Variants in PKIB observed in about 807,000 individuals in gnomAD.
The protein encoded by PKIB is PKI-beta.
PKIB carries 2 observed loss-of-function variants against 4.5 expected under a neutral mutation model. The observed-to-expected ratio is 0.44, with a 90% confidence interval of 0.18 to 1.39. The LOEUF (loss-of-function observed/expected upper bound fraction) is 1.39, where lower values mean the gene tolerates loss of function less well. Among genes scored for constraint, PKIB ranks in the 40% most tolerant of loss-of-function variants. The pLI, the probability that PKIB is intolerant of heterozygous loss-of-function variation, is 0.27. For synonymous variants in PKIB, 38 were observed against 36.0 expected (o/e 1.06, Z -0.20); for missense variants, 94 against 92.6 (o/e 1.02, Z -0.06).
intron 2 of PKIB, among the ~76,000 whole-genome samples, chr6:122,496,850 A>G (rs1776088536): frequency 6.6e-6 from 1 of 152,224 alleles, no homozygotes. Flanking sequence ...GAGATTTCTT[A>G]TATCCAGATG....
At chr6:122,622,276 T>C (rs1775268052) in intron 1 of PKIB, among the ~76,000 whole-genome samples, 1 of 147,792 alleles carries the variant, frequency 6.8e-6, no homozygotes, top group African/African-American at 2.5e-5. Context: ...ACTTTCAAAG[T>C]CATAATTTAA....
intron 2 of PKIB, among the ~76,000 whole-genome samples, chr6:122,665,835 A>G (rs1021506371): frequency 6.6e-5 from 10 of 152,294 alleles, no homozygotes; most frequent in African/African-American, 2.2e-4. Flanking sequence ...CACCTCAGTA[A>G]AGGAATGGCC....
chr6:122,524,486 A>C (rs1016240995), intron 2 of PKIB, among the ~76,000 whole-genome samples: 1 of 151,942 alleles, frequency 6.6e-6, no homozygotes, highest in Admixed American at 6.6e-5. Flanking sequence ...GGTATCAGGT[A>C]ATGCCTCATA....
At chr6:122,681,984 G>T (rs1777912854) in intron 3 of PKIB, among the ~76,000 whole-genome samples, 1 of 152,154 alleles carries the variant, frequency 6.6e-6, no homozygotes, top group South Asian at 2.1e-4. Context: ...TTGAACTGTG[G>T]GATGGAGTCT....
intron 1 of PKIB, among the ~76,000 whole-genome samples, chr6:122,621,062 A>G (rs1235150883): frequency 6.6e-6 from 1 of 152,146 alleles, no homozygotes; most frequent in Non-Finnish European, 1.5e-5. Flanking sequence ...CTACTACCAG[A>G]TGGATTAGAT....
At chr6:122,528,087 G>A (rs9385255) in intron 2 of PKIB, among the ~76,000 whole-genome samples, 21,150 of 152,040 alleles carry the variant, frequency 0.14, 1,586 homozygotes, top group East Asian at 0.26. Flanking sequence ...TGATTATTAT[G>A]TCTTTCTGGA....
At chr6:122,673,458 C>A (rs985494107) in intron 2 of PKIB, among the ~76,000 whole-genome samples, 6 of 152,190 alleles carry the variant, frequency 3.9e-5, no homozygotes, top group African/African-American at 1.4e-4. Flanking sequence ...ACTGTATCAT[C>A]ATTTCTTCAT....
Position 122,509,336 on chromosome 6 carries a change from T to G in PKIB, c.-248+31397T>G, listed in dbSNP as rs112440539. Among the ~76,000 whole-genome samples, 761 of 152,338 alleles carry G rather than the reference T, an allele frequency of 5.0e-3. 7 individuals carry two copies. The highest frequency in any genetic ancestry group is 0.017 in the African/African-American group (708 of 41,566). On this transcript the variant is annotated intron_variant, in intron 2 of 6. Coordinates refer to the PKIB transcript ENST00000392491. ...GTCACGTAACTGAATTAATAAATGC[T>G]TGTTTAACCTGATTTTTATGTATTG...
At chr6:122,575,264 T>A (rs1301437531) in intron 2 of PKIB, among the ~76,000 whole-genome samples, 1 of 152,092 alleles carries the variant, frequency 6.6e-6, no homozygotes, top group Non-Finnish European at 1.5e-5. Context: ...GATGTTGGCA[T>A]GGATGTGGTG....
intron 1 of PKIB, among the ~76,000 whole-genome samples, chr6:122,621,868 TAC>T (rs1429909742): frequency 6.6e-6 from 1 of 152,074 alleles, no homozygotes; most frequent in Non-Finnish European, 1.5e-5. Context: ...CTTCCTCCAT[TAC>T]AGAGAAGTAA....
intron 2 of PKIB, among the ~76,000 whole-genome samples, chr6:122,557,124 G>A (rs1406346732): frequency 6.6e-6 from 1 of 152,182 alleles, no homozygotes; most frequent in African/African-American, 2.4e-5. Context: ...GCTGAGGCAC[G>A]AGAATCACTT....
At chr6:122,680,518 G>C (rs1355667366) in intron 3 of PKIB, among the ~76,000 whole-genome samples, 4 of 152,110 alleles carry the variant, frequency 2.6e-5, no homozygotes. Context: ...ATATTTTTAG[G>C]TTTCATGGTG....
intron 2 of PKIB, among the ~76,000 whole-genome samples, chr6:122,522,772 C>G (rs925233746): frequency 1.3e-5 from 2 of 152,290 alleles, no homozygotes; most frequent in East Asian, 3.9e-4. Context: ...TGAGATGAGC[C>G]AGGTATCTCA....
Position 122,550,438 on chromosome 6 carries a change from T to G in PKIB, c.-247-35483T>G, listed in dbSNP as rs535632080. Among the ~76,000 whole-genome samples the G allele has an allele frequency of 8.5e-5, 13 of 152,320 alleles. 2 individuals are homozygous for G. The East Asian group carries it at 2.5e-3, about 29-fold the overall frequency. ...ATTTATAACTGAGCATTTTAGAAAT[T>G]TATTAAAATTACATTTTCTTTTGTA... On this transcript the variant is annotated intron_variant, in intron 2 of 6. Coordinates refer to the PKIB transcript ENST00000392491.
At chr6:122,672,353 GT>G (rs1411785027) in intron 2 of PKIB, among the ~76,000 whole-genome samples, 1 of 152,162 alleles carries the variant, frequency 6.6e-6, no homozygotes, top group Non-Finnish European at 1.5e-5. Flanking sequence ...AAAAACAATA[GT>G]TTGAAAATGA....
chr6:122,528,095 G>A (rs1156556833), intron 2 of PKIB, among the ~76,000 whole-genome samples: 1 of 151,980 alleles, frequency 6.6e-6, no homozygotes, highest in African/African-American at 2.4e-5. Flanking sequence ...ATGTCTTTCT[G>A]GAAAAGTTAC....
intron 2 of PKIB, among the ~76,000 whole-genome samples, chr6:122,658,541 A>G (rs955949526): frequency 2.0e-5 from 3 of 151,942 alleles, no homozygotes; most frequent in African/African-American, 7.3e-5. Flanking sequence ...TATTTTTTGT[A>G]TTCTAAAGCT....
intron 1 of PKIB, among the ~76,000 whole-genome samples, chr6:122,611,376 C>A (rs1774748971): frequency 6.6e-6 from 1 of 152,132 alleles, no homozygotes; most frequent in Admixed American, 6.5e-5. Context: ...AAAGTGCATG[C>A]GTGAACTAGG....
intron 2 of PKIB, chr6:122,480,458 A>G (rs1327992043): frequency 1.3e-5 from 2 of 152,230 alleles, no homozygotes; most frequent in East Asian, 3.8e-4. Context: ...ATGCATACAT[A>G]TGTAATATTT....
Sources: gnomAD v4.1 joint callset for allele counts (sites outside exome capture counted in the v4.1 genomes callset) on GRCh38, gnomAD v4.1.1 for gene constraint, MANE v1.5 for transcripts, NCBI Gene and HGNC (gene_info 2026-07-23, HGNC 2026-07-21) for gene names.